Variants in PTPRD observed in about 807,000 individuals in gnomAD.
PTPRD encodes protein tyrosine phosphatase receptor type D.
In PTPRD, 34 loss-of-function variants were observed where a neutral mutation model predicts 214.5. That is an observed-to-expected ratio of 0.16 (90% confidence interval 0.12 to 0.21). The LOEUF is 0.21. Ranked by LOEUF, PTPRD falls within the 10% of genes least tolerant of loss-of-function variation. The pLI, the probability that PTPRD is intolerant of heterozygous loss-of-function variation, is 1.00. For missense variants in PTPRD, 2,545 were observed against 2,398.7 expected (o/e 1.06, Z -1.27); for synonymous variants, 1,128 against 845.7 (o/e 1.33, Z -5.79).
intron 8 of PTPRD, among the ~76,000 whole-genome samples, chr9:9,530,685 A>T (rs993390661): frequency 6.6e-6 from 1 of 152,202 alleles, no homozygotes; most frequent in Non-Finnish European, 1.5e-5. Context: ...ATGACACACA[A>T]TGAAATACTA....
chr9:10,589,286 A>C (rs529534256), intron 2 of PTPRD, among the ~76,000 whole-genome samples: 51 of 152,216 alleles, frequency 3.4e-4, no homozygotes, highest in African/African-American at 1.2e-3. Flanking sequence ...GAAAGAGAAC[A>C]CAGCCTATAA....
chr9:9,097,077 T>A (rs183242523), intron 10 of PTPRD, among the ~76,000 whole-genome samples: 35 of 152,294 alleles, frequency 2.3e-4, no homozygotes, highest in Non-Finnish European at 4.4e-5. Context: ...TCTTGAAACA[T>A]CAGAATATAA....
intron 14 of PTPRD, among the ~76,000 whole-genome samples, chr9:8,529,475 A>G (rs998815570): frequency 2.0e-5 from 3 of 152,184 alleles, no homozygotes; most frequent in African/African-American, 7.2e-5. Context: ...TGTTCCTTAC[A>G]GGGATAAGAG....
chr9:10,081,819 T>A (rs2098243097), intron 3 of PTPRD, among the ~76,000 whole-genome samples: 1 of 152,222 alleles, frequency 6.6e-6, no homozygotes, highest in Middle Eastern at 3.4e-3. Flanking sequence ...GGGTTTTAAA[T>A]TTTTTCTTAG....
chr9:8,448,416 G>T (rs75533570), intron 34 of PTPRD, among the ~76,000 whole-genome samples: 1 of 151,996 alleles, frequency 6.6e-6, no homozygotes, highest in African/African-American at 2.4e-5. Flanking sequence ...TTCAAAAAGC[G>T]CTGACCCAAT....
At chr9:8,374,612 T>C (rs1434388130) in intron 39 of PTPRD, among the ~76,000 whole-genome samples, 1 of 151,994 alleles carries the variant, frequency 6.6e-6, no homozygotes, top group Non-Finnish European at 1.5e-5. Flanking sequence ...AAGCAAACTT[T>C]GTAGCCTCTC....
rs80054465 is a variant in PTPRD at position 10,026,194 on chromosome 9, C to T, written c.-472+7524G>A. On this transcript the variant is annotated intron_variant, in intron 4 of 45. Coordinates refer to ENST00000381196, the MANE Select transcript of PTPRD (RefSeq NM_002839.4). Reference sequence around the variant, plus strand: ...GAGTGCTCCTCATACAGTTCTTTCACCATGTCCCAAAGCCAAACATTCTAA... The same window carrying T: ...GAGTGCTCCTCATACAGTTCTTTCATCATGTCCCAAAGCCAAACATTCTAA... 8.1e-3 allele frequency among the ~76,000 whole-genome samples: 1,238 copies of T among 152,300 alleles called. 6 individuals are homozygous for T. Among genetic ancestry groups the T allele is most frequent in the Non-Finnish European group, 0.013 (893 of 68,022 alleles).
At chr9:9,135,242 T>A (rs560411803) in intron 10 of PTPRD, among the ~76,000 whole-genome samples, 1 of 152,244 alleles carries the variant, frequency 6.6e-6, no homozygotes, top group East Asian at 1.9e-4. Context: ...GATTTTAGAC[T>A]TCAAACAATT....
At chr9:8,479,527 T>A (rs1052732289) in intron 30 of PTPRD, among the ~76,000 whole-genome samples, 1 of 151,840 alleles carries the variant, frequency 6.6e-6, no homozygotes, top group Non-Finnish European at 1.5e-5. Context: ...AGTGCATAAA[T>A]AAAACAAAAA....
intron 2 of PTPRD, among the ~76,000 whole-genome samples, chr9:10,374,352 G>A (rs1796291896): frequency 6.6e-6 from 1 of 152,068 alleles, no homozygotes. Flanking sequence ...GGGGTTAAAT[G>A]TGCATATAAA....
intron 9 of PTPRD, among the ~76,000 whole-genome samples, chr9:9,363,633 T>C (rs2056964454): frequency 6.6e-6 from 1 of 151,262 alleles, no homozygotes; most frequent in Admixed American, 6.6e-5. Context: ...TTTTTCTAGC[T>C]AAGTGGAAGT....
chr9:8,890,700 G>A (rs2098531604), intron 11 of PTPRD, among the ~76,000 whole-genome samples: 1 of 152,126 alleles, frequency 6.6e-6, no homozygotes, highest in African/African-American at 2.4e-5. Context: ...TCTCCTTTGA[G>A]AGAGTCTTGT....
chr9:9,431,587 A>G (rs540811835), intron 8 of PTPRD, among the ~76,000 whole-genome samples: 1 of 152,298 alleles, frequency 6.6e-6, no homozygotes, highest in East Asian at 1.9e-4. Flanking sequence ...TCATGCTACT[A>G]TAAAGACACA....
At chr9:9,118,224 C>T (rs946197433) in intron 10 of PTPRD, among the ~76,000 whole-genome samples, 1 of 152,142 alleles carries the variant, frequency 6.6e-6, no homozygotes, top group Non-Finnish European at 1.5e-5. Flanking sequence ...TTAGGTATGG[C>T]AAGCTATCAA....
intron 12 of PTPRD, among the ~76,000 whole-genome samples, chr9:8,669,334 T>C (rs1256795534): frequency 6.6e-6 from 1 of 152,136 alleles, no homozygotes; most frequent in African/African-American, 2.4e-5. Context: ...TCCTGAAGGC[T>C]GGGGTAGACC....
chr9:9,787,088 G>T (rs144045347), intron 5 of PTPRD, among the ~76,000 whole-genome samples: 132 of 151,800 alleles, frequency 8.7e-4, no homozygotes, highest in African/African-American at 3.0e-3. Context: ...AGTGATCTGA[G>T]ATCGCACCAC....
intron 3 of PTPRD, among the ~76,000 whole-genome samples, chr9:10,274,905 A>G (rs1453666873): frequency 6.6e-6 from 1 of 152,106 alleles, no homozygotes; most frequent in Non-Finnish European, 1.5e-5. Context: ...AATAGATGGT[A>G]TGGGTGTATT....
chr9:10,471,489 C>T (rs1266811273), intron 2 of PTPRD, among the ~76,000 whole-genome samples: 1 of 151,876 alleles, frequency 6.6e-6, no homozygotes, highest in Non-Finnish European at 1.5e-5. Context: ...TAAGACTGCC[C>T]TGGCTTGTCA....
At chr9:9,481,550 C>A (rs1354733374) in intron 8 of PTPRD, among the ~76,000 whole-genome samples, 1 of 151,726 alleles carries the variant, frequency 6.6e-6, no homozygotes, top group Non-Finnish European at 1.5e-5. Flanking sequence ...TATTTAAAAT[C>A]AGAAGAAAAA....
Sources: allele counts gnomAD v4.1 joint callset (sites outside exome capture counted in the v4.1 genomes callset), GRCh38; gene constraint gnomAD v4.1.1; transcripts MANE v1.5; gene names NCBI Gene and HGNC (gene_info 2026-07-23, HGNC 2026-07-21).